Variants in ZNF407 observed in about 807,000 individuals in gnomAD.
ZNF407 encodes the protein zinc finger protein 407.
A neutral mutation model predicts 131.2 loss-of-function variants in ZNF407; 17 were observed. The observed-to-expected ratio is 0.13, with a 90% CI of 0.09 to 0.19. The LOEUF is 0.19. Ranked by LOEUF, ZNF407 falls within the 10% of genes least tolerant of loss-of-function variation. ZNF407 has a pLI of 1.00. For synonymous variants in ZNF407, 1,156 were observed against 1,062.0 expected, an observed-to-expected ratio of 1.09 and a Z score of -1.72; for missense variants, 2,681 against 2,830.6, an observed-to-expected ratio of 0.95 and a Z score of 1.20.
intron 8 of ZNF407, among the ~76,000 whole-genome samples, chr18:75,017,175 T>C (rs1973054479): frequency 6.6e-6 from 1 of 152,164 alleles, no homozygotes; most frequent in Non-Finnish European, 1.5e-5. Context: ...TTACCATTAC[T>C]ATGACTAATT....
intron 3 of ZNF407, among the ~76,000 whole-genome samples, chr18:74,655,224 CTG>C (rs1277958843): frequency 3.9e-5 from 6 of 151,966 alleles, no homozygotes; most frequent in African/African-American, 1.4e-4. Flanking sequence ...AGTTGAAACA[CTG>C]TGAGTCATTA....
chr18:74,717,728 G>T (rs1370806733), intron 3 of ZNF407, among the ~76,000 whole-genome samples: 3 of 152,126 alleles, frequency 2.0e-5, no homozygotes, highest in Non-Finnish European at 4.4e-5. Context: ...AAATGCTTTG[G>T]ACCAGATGTG....
chr18:74,852,740 G>A (rs1401139445), intron 4 of ZNF407, among the ~76,000 whole-genome samples: 1 of 152,114 alleles, frequency 6.6e-6, no homozygotes, highest in Non-Finnish European at 1.5e-5. Context: ...TAAGGTGGTA[G>A]CCAAGAAGGC....
At position 75,063,187 on chromosome 18, in the gene ZNF407, A is replaced by T. The variant is rs1023040335; in HGVS notation, c.5466A>T (p.Gly1822=). 6.2e-7 allele frequency: 1 copy of T among 1,607,320 alleles called. No individual in the cohort carries two copies. Among genetic ancestry groups the T allele is most frequent in the African/African-American group, 1.3e-5 (1 of 74,640 alleles). ...VSKSYECRLK[G]QGATFVETDS... ...AGTCGTACGAGTGCCGTCTAAAGGG[A>T]CAAGGAGCCACCTTCGTGGAGACAG... Residue 1822 remains glycine (G), a synonymous_variant, in exon 9 of 9, where the codon GGA becomes GGT. Transcript: ENST00000299687. The surrounding 1 kb of genome is among the most constrained non-coding windows in gnomAD (Gnocchi z 6.6).
At chr18:74,923,017 A>G (rs1971867100) in intron 8 of ZNF407, among the ~76,000 whole-genome samples, 1 of 152,260 alleles carries the variant, frequency 6.6e-6, no homozygotes, top group Non-Finnish European at 1.5e-5. Context: ...ACTGTTTGAC[A>G]TGATCATTTT....
intron 3 of ZNF407, among the ~76,000 whole-genome samples, chr18:74,697,317 C>A (rs957038112): frequency 6.6e-6 from 1 of 152,076 alleles, no homozygotes; most frequent in African/African-American, 2.4e-5. Flanking sequence ...TAGTATGGGT[C>A]CCCCTAGTTT....
chr18:74,823,025 A>G (rs563665796), intron 4 of ZNF407, among the ~76,000 whole-genome samples: 1 of 152,200 alleles, frequency 6.6e-6, no homozygotes, highest in East Asian at 1.9e-4. Flanking sequence ...TTCTCTTTGT[A>G]GCGATTGTGA....
At chr18:74,810,825 C>T (rs1970183266) in intron 4 of ZNF407, among the ~76,000 whole-genome samples, 1 of 152,096 alleles carries the variant, frequency 6.6e-6, no homozygotes, top group Non-Finnish European at 1.5e-5. Flanking sequence ...TGGATCCCTT[C>T]CTTACACCTT....
chr18:74,673,388 C>T (rs2144757376), intron 3 of ZNF407, among the ~76,000 whole-genome samples: 1 of 152,306 alleles, frequency 6.6e-6, no homozygotes, highest in Non-Finnish European at 1.5e-5. Flanking sequence ...GGCGTTTGTG[C>T]TCATTGGCTA....
chr18:75,022,008 C>T (rs1973116621), intron 8 of ZNF407, among the ~76,000 whole-genome samples: 1 of 151,472 alleles, frequency 6.6e-6, no homozygotes, highest in South Asian at 2.1e-4. Context: ...ACTACAAACT[C>T]AATAAAAACA....
In ZNF407 at chr18:74,631,034, G is replaced by C; in HGVS notation, c.15G>C (p.Glu5Asp). The C allele has an allele frequency of 3.7e-6, 6 of 1,609,742 alleles. No individual in the cohort carries two copies. Among genetic ancestry groups the C allele is most frequent in the Non-Finnish European group, 5.1e-6 (6 of 1,178,580 alleles). MMDS[E>D]NKPENDEDEK... ...GCACTTTATTAATGATGGATAGTGA[G>C]AATAAACCCGAAAATGATGAGGATG... Residue 5 changes from glutamate to aspartate, a missense_variant, in exon 2 of 9, where the codon GAG becomes GAC. Physicochemically the swap from Glu to Asp is conservative, Grantham distance 45. This residue lies in a region of ZNF407 where 1,789 missense variants were observed against 1,748.7 expected (regional missense o/e 1.02). Transcript: ENST00000299687.
At chr18:74,671,735 C>G (rs1986148799) in intron 3 of ZNF407, among the ~76,000 whole-genome samples, 1 of 152,032 alleles carries the variant, frequency 6.6e-6, no homozygotes, top group Non-Finnish European at 1.5e-5. Context: ...GCCACAAAAT[C>G]CCTTTTGTGT....
At chr18:74,781,293 G>A (rs571068136) in intron 3 of ZNF407, 135 bp from the exon 4 acceptor site, 10 of 589,052 alleles carry the variant, frequency 1.7e-5, no homozygotes, top group Admixed American at 3.6e-5. Context: ...GCAAGCTTTG[G>A]TGTAGCAAGA....
intron 4 of ZNF407, among the ~76,000 whole-genome samples, chr18:74,792,633 T>C (rs1568218011): frequency 6.6e-6 from 1 of 152,046 alleles, no homozygotes; most frequent in South Asian, 2.1e-4. Flanking sequence ...TTAATACTTA[T>C]AATAATGACA....
intron 4 of ZNF407, among the ~76,000 whole-genome samples, chr18:74,811,427 G>GACT (rs1199275832): frequency 8.5e-5 from 13 of 152,198 alleles, no homozygotes; most frequent in African/African-American, 2.9e-4. Flanking sequence ...CTGTTGATGG[G>GACT]ACTGTAAACT....
At chr18:74,991,309 G>A (rs922834176) in intron 8 of ZNF407, among the ~76,000 whole-genome samples, 10 of 152,188 alleles carry the variant, frequency 6.6e-5, no homozygotes, top group African/African-American at 2.4e-4. Context: ...TTTAACAGCA[G>A]TGCCTTGCAA....
At chr18:74,804,207 C>T in intron 4 of ZNF407, 1 of 1,326,644 alleles carries the variant, frequency 7.5e-7, no homozygotes, top group Non-Finnish European at 9.7e-7. Context: ...TGTAAATCAT[C>T]ACACAAATGT....
chr18:74,686,841 T>C (rs1274944304), intron 3 of ZNF407, among the ~76,000 whole-genome samples: 2 of 152,270 alleles, frequency 1.3e-5, no homozygotes, highest in Admixed American at 1.3e-4. Context: ...TTCCAATGTC[T>C]GTTGTCAAGA....
chr18:74,644,910 T>C (rs1984898752), intron 3 of ZNF407, among the ~76,000 whole-genome samples: 2 of 151,950 alleles, frequency 1.3e-5, no homozygotes, highest in South Asian at 4.1e-4. Context: ...ATGTAGGAAA[T>C]GTAACTTATC....
Sources: gnomAD v4.1 joint callset for allele counts (sites outside exome capture counted in the v4.1 genomes callset) on GRCh38, gnomAD v4.1.1 for gene constraint, gnomAD v4.1.1 regional missense constraint, Gnocchi (gnomAD v3.1) non-coding constraint, MANE v1.5 for transcripts, NCBI Gene and HGNC (gene_info 2026-07-23, HGNC 2026-07-21) for gene names.